The following IPO11 variants were observed in gnomAD, a reference collection of about 807,000 sequenced individuals.
IPO11 encodes the protein importin-11.
A neutral mutation model predicts 143.2 loss-of-function variants in IPO11; 66 were observed. That is an observed-to-expected ratio of 0.46 (90% confidence interval 0.38 to 0.57). The LOEUF (loss-of-function observed/expected upper bound fraction) is 0.57, where lower values mean the gene tolerates loss of function less well. Ranked by LOEUF, IPO11 falls within the 20% of genes least tolerant of loss-of-function variation. The pLI is 0.00. For missense variants in IPO11, 1,026 were observed against 1,141.0 expected (o/e 0.90, Z 1.45); for synonymous variants, 385 against 377.8 (o/e 1.02, Z -0.22).
In IPO11 at chr5:62,462,719, C is replaced by T. The variant is rs72769128; in HGVS notation, c.517-4412C>T. On this transcript the variant is annotated intron_variant, in intron 5 of 29. Transcript: ENST00000325324. ...CCACTATAAAATACTTCAGAAAAAT[C>T]TGACACAATTTCAAAATATGTGGTT... Among the ~76,000 whole-genome samples the T allele has an allele frequency of 6.6e-3, 1,009 of 152,130 alleles. 7 individuals carry two copies. Among genetic ancestry groups the T allele is most frequent in the Middle Eastern group, 0.027 (8 of 294 alleles).
At chr5:62,488,757 C>G (rs186019253) in intron 13 of IPO11, among the ~76,000 whole-genome samples, 1 of 152,154 alleles carries the variant, frequency 6.6e-6, no homozygotes, top group Non-Finnish European at 1.5e-5. Flanking sequence ...AATTCCAGCA[C>G]TTTGGGAGGC....
chr5:62,514,368 A>G (rs901010668), intron 19 of IPO11, among the ~76,000 whole-genome samples: 1 of 152,032 alleles, frequency 6.6e-6, no homozygotes, highest in African/African-American at 2.4e-5. Context: ...GGCTGGCGGA[A>G]CACTCGCGGC....
At position 62,494,368 on chromosome 5, in the gene IPO11, G is replaced by C. The variant is rs181828108; in HGVS notation, c.1590+244G>C. Among the ~76,000 whole-genome samples the C allele has an allele frequency of 4.2e-4, 63 of 151,692 alleles. No homozygotes were observed. The East Asian group carries it at 7.7e-3, about 19-fold the overall frequency. ...TTATAAAGTAATTTATAATTTCTTAGAAAAAAAGGCAGTTTTAAAAAATCC... is the reference window on the plus strand; with the variant it reads ...TTATAAAGTAATTTATAATTTCTTACAAAAAAAGGCAGTTTTAAAAAATCC... On this transcript the variant is annotated intron_variant, in intron 16 of 29. Coordinates refer to ENST00000325324, the MANE Select transcript of IPO11 (RefSeq NM_016338.5).
At chr5:62,469,273 TAC>T (rs1561323566) in intron 6 of IPO11, among the ~76,000 whole-genome samples, 28 of 152,182 alleles carry the variant, frequency 1.8e-4, no homozygotes, top group African/African-American at 6.5e-4. Context: ...GAGGAAAACT[TAC>T]TGCATCGTTA....
intron 26 of IPO11, chr5:62,560,915 T>C (rs1476152673): frequency 2.9e-6 from 1 of 349,454 alleles, no homozygotes; most frequent in East Asian, 4.8e-5. Flanking sequence ...ATGTTTTGAA[T>C]AAGTCTGCTT....
intron 15 of IPO11, among the ~76,000 whole-genome samples, chr5:62,493,521 A>T (rs1022127855): frequency 5.3e-5 from 8 of 151,952 alleles, no homozygotes; most frequent in African/African-American, 1.9e-4. Flanking sequence ...TTAGATCAAG[A>T]CTTCATTGTT....
At chr5:62,431,145 A>AT (rs914322809) in intron 1 of IPO11, among the ~76,000 whole-genome samples, 19 of 151,390 alleles carry the variant, frequency 1.3e-4, no homozygotes, top group African/African-American at 4.6e-4. Flanking sequence ...CGCCTGGCTA[A>AT]TTTTTTATAT....
chr5:62,565,238 C>A (rs769786959), intron 27 of IPO11, among the ~76,000 whole-genome samples: 1 of 152,202 alleles, frequency 6.6e-6, no homozygotes, highest in Non-Finnish European at 1.5e-5. Flanking sequence ...GTAATCCCAG[C>A]ACTTTTGGAG....
chr5:62,557,809 A>T (rs937342129), intron 26 of IPO11, among the ~76,000 whole-genome samples: 1 of 152,144 alleles, frequency 6.6e-6, no homozygotes, highest in Non-Finnish European at 1.5e-5. Flanking sequence ...CGTTACACTG[A>T]TGAGGTTTGA....
rs957276182 is a variant in IPO11 at position 62,419,030 on chromosome 5, T to C, written c.-7+6101T>C. ...CAAACCTAGATGGTACAGCCTATTA[T>C]ACACTTGGGCTATGTGGTATATAGC... On this transcript the variant is annotated intron_variant, in intron 1 of 29. Coordinates refer to ENST00000325324, the MANE Select transcript of IPO11 (RefSeq NM_016338.5). 14 of 1,551,144 alleles carry C rather than the reference T, an allele frequency of 9.0e-6. No homozygotes were observed. The African/African-American group carries it at 1.4e-4, about 15-fold the overall frequency.
chr5:62,457,992 C>CA (rs1378850414), intron 5 of IPO11, among the ~76,000 whole-genome samples: 52 of 151,748 alleles, frequency 3.4e-4, no homozygotes, highest in African/African-American at 1.3e-3. Flanking sequence ...ACTAAAAATA[C>CA]AAAAATTAGC....
chr5:62,523,658 A>G (rs775676372), intron 20 of IPO11, among the ~76,000 whole-genome samples: 3 of 152,236 alleles, frequency 2.0e-5, no homozygotes, highest in Non-Finnish European at 2.9e-5. Context: ...CGCTAGGTAG[A>G]TAGTGATTCA....
At chr5:62,459,742 G>A (rs1344124723) in intron 5 of IPO11, among the ~76,000 whole-genome samples, 2 of 152,028 alleles carry the variant, frequency 1.3e-5, no homozygotes, top group African/African-American at 4.8e-5. Flanking sequence ...TAGAGGCAGG[G>A]GTTTCACCAT....
intron 1 of IPO11, among the ~76,000 whole-genome samples, chr5:62,422,191 A>G (rs1310229308): frequency 6.6e-6 from 1 of 152,076 alleles, no homozygotes; most frequent in African/African-American, 2.4e-5. Context: ...CAGTGACACC[A>G]TCTTGGCTCA....
chr5:62,484,010 A>C lies in IPO11; in HGVS notation c.1022A>C (p.Asp341Ala). 6.3e-7 allele frequency: 1 copy of C among 1,595,942 alleles called. No homozygotes were observed. The highest frequency in any genetic ancestry group is 8.5e-7 in the Non-Finnish European group (1 of 1,174,662). The change falls in exon 11 of 30, where the codon GAT (aspartate) becomes GCT (alanine). Residue 341 changes from aspartate (D) to alanine (A), a missense_variant and splice_region_variant. Coordinates refer to ENST00000325324, the MANE Select transcript of IPO11 (RefSeq NM_016338.5). ...YAYKPSKNFEDSSPETLEAHK... is the reference protein window; with the variant it reads ...YAYKPSKNFEASSPETLEAHK... ...TAACTTGGAAATTTCATTTTTCTAG[A>C]TAGCAGCCCTGAAACTCTTGAAGCC...
At chr5:62,444,871 AAGAG>A (rs762976726) in intron 3 of IPO11, among the ~76,000 whole-genome samples, 11 of 150,978 alleles carry the variant, frequency 7.3e-5, no homozygotes, top group Admixed American at 6.6e-4. Flanking sequence ...TATGTCTCAA[AAGAG>A]AGAGAGAGAG....
Position 62,443,183 on chromosome 5 carries a change from C to T in IPO11, c.239+100C>T, listed in dbSNP as rs1744560929. On this transcript the variant is annotated intron_variant, in intron 3 of 29. Transcript: ENST00000325324. Reference sequence around the variant, plus strand: ...ATGTAAAAGGATGTGTTAGCGCTTACTTCTGCAGCACATATACTAAAATTG... The same window carrying T: ...ATGTAAAAGGATGTGTTAGCGCTTATTTCTGCAGCACATATACTAAAATTG... The T allele has an allele frequency of 2.3e-5, 15 of 657,014 alleles. No individual in the cohort carries two copies. The South Asian group carries it at 3.5e-4, about 15-fold the overall frequency. 40.7% of individuals were successfully genotyped at this position (657,014 alleles called of 1,614,324 possible).
intron 28 of IPO11, among the ~76,000 whole-genome samples, chr5:62,599,280 G>T (rs1296194323): frequency 6.6e-6 from 1 of 152,242 alleles, no homozygotes; most frequent in Non-Finnish European, 1.5e-5. Context: ...ACACAGATGG[G>T]CTCCAGGTAG....
intron 1 of IPO11, among the ~76,000 whole-genome samples, chr5:62,430,136 C>T (rs971947078): frequency 7.2e-5 from 11 of 152,128 alleles, no homozygotes; most frequent in East Asian, 1.9e-4. Flanking sequence ...AATAATGTTG[C>T]AGTGAATATC....
Sources: allele counts gnomAD v4.1 joint callset (sites outside exome capture counted in the v4.1 genomes callset), GRCh38; gene constraint gnomAD v4.1.1; transcripts MANE v1.5; gene names NCBI Gene and HGNC (gene_info 2026-07-23, HGNC 2026-07-21).